Variants in SNX24 observed in about 807,000 individuals in gnomAD.
SNX24 encodes sorting nexin-24.
Under a neutral mutation model 28.7 loss-of-function variants are expected in SNX24, and 22 were observed. The ratio of observed to expected loss-of-function variants is 0.77; its 90% CI spans 0.55 to 1.10. SNX24 has a LOEUF of 1.10. SNX24 is among the 50% of genes least tolerant of loss of function. The probability of loss-of-function intolerance (pLI) is 0.00; values close to 1 mark genes in which losing one functional copy is unlikely to be tolerated. For missense variants in SNX24, 221 were observed against 201.1 expected (o/e 1.10, Z -0.60); for synonymous variants, 69 against 71.5 (o/e 0.96, Z 0.18).
chr5:122,974,750 G>A (rs1761099368), intron 3 of SNX24, among the ~76,000 whole-genome samples: 1 of 152,192 alleles, frequency 6.6e-6, no homozygotes, highest in African/African-American at 2.4e-5. Flanking sequence ...CCTTGATGGT[G>A]GCACTAATCT....
intron 5 of SNX24, among the ~76,000 whole-genome samples, chr5:123,019,665 A>G (rs557439709): frequency 8.5e-5 from 13 of 152,358 alleles, no homozygotes; most frequent in Non-Finnish European, 1.3e-4. Flanking sequence ...AGTGTTGATT[A>G]AAGTGATTCA....
At chr5:122,885,455 G>C (rs946793840) in intron 1 of SNX24, among the ~76,000 whole-genome samples, 2 of 152,080 alleles carry the variant, frequency 1.3e-5, no homozygotes, top group Non-Finnish European at 2.9e-5. Flanking sequence ...ATCTTCTTTT[G>C]TACATGCTTT....
At chr5:123,000,721 G>A (rs1762216462) in intron 4 of SNX24, among the ~76,000 whole-genome samples, 1 of 152,140 alleles carries the variant, frequency 6.6e-6, no homozygotes, top group South Asian at 2.1e-4. Context: ...ACATGACATG[G>A]GCTGAGCTAG....
chr5:122,900,563 T>G (rs1476584648), intron 1 of SNX24, among the ~76,000 whole-genome samples: 1 of 151,146 alleles, frequency 6.6e-6, no homozygotes, highest in Non-Finnish European at 1.5e-5. Context: ...AGGCTAGGAG[T>G]TTGAGACCAG....
intron 2 of SNX24, among the ~76,000 whole-genome samples, chr5:122,942,565 A>G (rs30036): frequency 0.81 from 123,555 of 152,244 alleles, 51,028 homozygotes; most frequent in East Asian, 0.99. Flanking sequence ...GTATGCAGTG[A>G]TAGGTCTGTG....
chr5:122,895,393 C>T (rs922254429), intron 1 of SNX24, among the ~76,000 whole-genome samples: 3 of 152,202 alleles, frequency 2.0e-5, no homozygotes, highest in Non-Finnish European at 4.4e-5. Flanking sequence ...AGTAATTTAC[C>T]AGTGGAAAGC....
chr5:122,954,197 C>CTCTATATA (rs554412836), intron 3 of SNX24, among the ~76,000 whole-genome samples: 1 of 150,638 alleles, frequency 6.6e-6, no homozygotes, highest in Admixed American at 6.6e-5. Flanking sequence ...TTCTCTCTCT[C>CTCTATATA]TATATATATA....
chr5:122,990,769 A>G (rs364723), intron 3 of SNX24, among the ~76,000 whole-genome samples: 33,916 of 152,138 alleles, frequency 0.22, 4,827 homozygotes, highest in Non-Finnish European at 0.33. Flanking sequence ...ATGCCTTACC[A>G]TATTATTTGA....
intron 1 of SNX24, among the ~76,000 whole-genome samples, chr5:122,898,729 G>A (rs926654823): frequency 8.5e-5 from 13 of 152,216 alleles, no homozygotes; most frequent in African/African-American, 3.1e-4. Context: ...TGCTTCTGTT[G>A]ATACTGTTTT....
intron 1 of SNX24, among the ~76,000 whole-genome samples, chr5:122,853,488 CA>C (rs1755034179): frequency 6.6e-6 from 1 of 152,154 alleles, no homozygotes; most frequent in Non-Finnish European, 1.5e-5. Context: ...TGAACATTAA[CA>C]AACTTAGAAT....
Position 123,024,105 on chromosome 5 carries a change from A to G in SNX24, n.384-5133A>G, listed in dbSNP as rs1346318268. 2.8e-6 allele frequency: 4 copies of G among 1,433,932 alleles called. No homozygotes were observed. The African/African-American group carries it at 4.4e-5, about 16-fold the overall frequency. 88.8% of individuals were successfully genotyped at this position (1,433,932 alleles called of 1,614,324 possible). On this transcript the variant is annotated intron_variant and non_coding_transcript_variant, in intron 5 of 5. Transcript: ENST00000502387. The stretch of plus-strand genomic sequence containing the variant: ...CTCCAAAAGCCCAAGTGGGAAGGAA[A>G]TAAGGTTGGTTGGTTGGTTGGTTTT...
chr5:123,023,857 T>A, intron 5 of SNX24: 1 of 1,594,526 alleles, frequency 6.3e-7, no homozygotes, highest in Non-Finnish European at 8.6e-7. Flanking sequence ...AGCATATCCT[T>A]GTTTTCTGCC....
At position 122,865,545 on chromosome 5, in the gene SNX24, G is replaced by A. The variant is rs1028141097; in HGVS notation, c.60+19852G>A. On this transcript the variant is annotated intron_variant, in intron 1 of 6. Transcript: ENST00000261369. The stretch of plus-strand genomic sequence containing the variant: ...GTAGAGATGAGGTTTCATCATGTTG[G>A]CCAGGCTGGTCTCGAACTTTGGACC... Among the ~76,000 whole-genome samples the A allele has an allele frequency of 2.6e-5, 4 of 152,274 alleles. No homozygotes were observed. The East Asian group carries it at 5.8e-4, about 22-fold the overall frequency.
At chr5:123,010,511 A>T (rs374219869), downstream of SNX24, among the ~76,000 whole-genome samples, 13 of 151,352 alleles carry the variant, frequency 8.6e-5, no homozygotes, top group African/African-American at 3.2e-4. Context: ...CTGGTCTTGA[A>T]CTCCTGACCT....
At chr5:123,026,185 AT>A (rs1762850241) in intron 5 of SNX24, among the ~76,000 whole-genome samples, 1 of 152,230 alleles carries the variant, frequency 6.6e-6, no homozygotes, top group Admixed American at 6.5e-5. Context: ...AAAGCCTTAA[AT>A]ATGGCACAGG....
At chr5:122,951,943 C>G (rs187134984) in intron 3 of SNX24, among the ~76,000 whole-genome samples, 49 of 152,298 alleles carry the variant, frequency 3.2e-4, no homozygotes, top group Middle Eastern at 6.8e-3. Context: ...GTTCCTCATC[C>G]GGAATGCCCC....
intron 6 of SNX24, among the ~76,000 whole-genome samples, chr5:123,005,179 C>G (rs13159957): frequency 0.027 from 4,106 of 152,234 alleles, 74 homozygotes; most frequent in Non-Finnish European, 0.037. Context: ...GTCAGAGAAC[C>G]CTATTTGCTT....
intron 1 of SNX24, among the ~76,000 whole-genome samples, chr5:122,924,640 A>G (rs1051960876): frequency 1.3e-5 from 2 of 152,204 alleles, no homozygotes; most frequent in Non-Finnish European, 2.9e-5. Flanking sequence ...ATTCAGGAGG[A>G]TAACAGAATG....
intron 2 of SNX24, among the ~76,000 whole-genome samples, chr5:122,940,271 G>A (rs1006783103): frequency 2.6e-5 from 4 of 152,114 alleles, no homozygotes; most frequent in African/African-American, 9.7e-5. Flanking sequence ...TAGAGTTACA[G>A]GCATGAGCCA....
Sources: gnomAD v4.1 joint callset for allele counts (sites outside exome capture counted in the v4.1 genomes callset) on GRCh38, gnomAD v4.1.1 for gene constraint, MANE v1.5 for transcripts, NCBI Gene and HGNC (gene_info 2026-07-23, HGNC 2026-07-21) for gene names.